Variants in EZR observed in about 807,000 individuals in gnomAD.
EZR encodes the protein cytovillin 2.
A neutral mutation model predicts 74.8 loss-of-function variants in EZR; 40 were observed. That is an observed-to-expected ratio of 0.53 (90% CI 0.42 to 0.70). The LOEUF is 0.70. EZR is among the 30% of genes least tolerant of loss of function. The pLI is 0.00. For missense variants in EZR, 678 were observed against 755.8 expected (o/e 0.90, Z 1.21); for synonymous variants, 341 against 283.3 (o/e 1.20, Z -2.05).
At chr6:158,802,766 G>A (rs954781025) in intron 2 of EZR, among the ~76,000 whole-genome samples, 10 of 152,122 alleles carry the variant, frequency 6.6e-5, no homozygotes, top group Admixed American at 3.9e-4. Flanking sequence ...TCCTGACCTC[G>A]TAATCCACCC....
rs139248468 is a variant in EZR at position 158,802,822 on chromosome 6, G to A, written c.13-13451C>T. On this transcript the variant is annotated intron_variant, in intron 2 of 13. Coordinates refer to ENST00000367075, the MANE Select transcript of EZR (RefSeq NM_001111077.2). ...TGGGATTACAGGTGTGAGCCACCGCGCCCGGCCAGGTTTTTGCTTATTTAA... is the reference window on the plus strand; with the variant it reads ...TGGGATTACAGGTGTGAGCCACCGCACCCGGCCAGGTTTTTGCTTATTTAA... 1.7e-3 allele frequency among the ~76,000 whole-genome samples: 256 copies of A among 152,198 alleles called. 1 individual carries two copies. Among genetic ancestry groups the A allele is most frequent in the African/African-American group, 5.2e-3 (218 of 41,540 alleles).
At chr6:158,813,733 T>G (rs891356432) in intron 2 of EZR, among the ~76,000 whole-genome samples, 7 of 152,250 alleles carry the variant, frequency 4.6e-5, no homozygotes, top group African/African-American at 1.7e-4. Context: ...GTGAACACAC[T>G]TTCAGAGTTT....
chr6:158,776,510 G>A lies in EZR; in HGVS notation c.699-6C>T, dbSNP rs1347478693. 8 of 1,604,548 alleles carry A rather than the reference G, an allele frequency of 5.0e-6. No individual in the cohort carries two copies. The highest frequency in any genetic ancestry group is 1.1e-5 in the South Asian group (1 of 89,984). ...AGCCAATCTTTGGGGTTAACCTGAGGTTAAAAAGAAGAAGTGGATGGTTAG... is the reference window on the plus strand; with the variant it reads ...AGCCAATCTTTGGGGTTAACCTGAGATTAAAAAGAAGAAGTGGATGGTTAG... On this transcript the variant is annotated splice_polypyrimidine_tract_variant and splice_region_variant and intron_variant, in intron 7 of 13. Coordinates refer to ENST00000367075, the MANE Select transcript of EZR (RefSeq NM_001111077.2).
At chr6:158,804,376 C>A (rs188885302) in intron 2 of EZR, among the ~76,000 whole-genome samples, 91 of 152,290 alleles carry the variant, frequency 6.0e-4, no homozygotes, top group African/African-American at 2.2e-3. Flanking sequence ...TACCTCAGGG[C>A]AGGCAAAATA....
At chr6:158,801,385 A>G (rs1777183371) in intron 2 of EZR, among the ~76,000 whole-genome samples, 1 of 152,148 alleles carries the variant, frequency 6.6e-6, no homozygotes, top group African/African-American at 2.4e-5. Context: ...CCTGTCTCCA[A>G]AAACAAACAA....
At chr6:158,772,851 C>T (rs990679081) in intron 8 of EZR, among the ~76,000 whole-genome samples, 1 of 152,128 alleles carries the variant, frequency 6.6e-6, no homozygotes, top group Non-Finnish European at 1.5e-5. Flanking sequence ...AACGAGGAAC[C>T]GGCTGAGCGG....
chr6:158,770,623 AT>A (rs1375077150), intron 10 of EZR, 140 bp downstream of exon 10: 1 of 929,288 alleles, frequency 1.1e-6, no homozygotes. Flanking sequence ...CCAAATAACC[AT>A]TTTATCATTT....
chr6:158,815,366 G>C (rs1777532684), intron 2 of EZR, among the ~76,000 whole-genome samples: 1 of 152,190 alleles, frequency 6.6e-6, no homozygotes, highest in Non-Finnish European at 1.5e-5. Flanking sequence ...ACACAGAAAG[G>C]CTTAGTGTGT....
At chr6:158,805,549 TC>T (rs945253307) in intron 2 of EZR, among the ~76,000 whole-genome samples, 4 of 152,128 alleles carry the variant, frequency 2.6e-5, no homozygotes, top group Non-Finnish European at 5.9e-5. Flanking sequence ...CTCACCCCAG[TC>T]TTTACTTTTG....
At chr6:158,772,597 C>A (rs1389473502) in intron 8 of EZR, among the ~76,000 whole-genome samples, 1 of 152,228 alleles carries the variant, frequency 6.6e-6, no homozygotes, top group Non-Finnish European at 1.5e-5. Flanking sequence ...GTGACCATGA[C>A]TGGAAACATT....
At chr6:158,803,567 ATATAT>A in intron 2 of EZR, among the ~76,000 whole-genome samples, 2 of 5,332 alleles carry the variant, frequency 3.8e-4, no homozygotes, top group Admixed American at 1.3e-3. Flanking sequence ...ATATATATAT[ATATAT>A]ATATATATAC....
chr6:158,802,749 C>G (rs996130000), intron 2 of EZR, among the ~76,000 whole-genome samples: 3 of 152,162 alleles, frequency 2.0e-5, no homozygotes, highest in Admixed American at 1.3e-4. Context: ...GTTAGATGGT[C>G]TCGATCTCCT....
chr6:158,770,799 T>C lies in EZR; in HGVS notation c.1055A>G (p.Gln352Arg). ...CTTCTTTGTCTTCTCCTCATAGTCC[T>C]GCAGCCGCAGCATCAACTCCTCCTT... ...REKEELMLRLQDYEEKTKKAE... is the reference protein window; with the variant it reads ...REKEELMLRLRDYEEKTKKAE... The change falls in exon 10 of 14, where the codon CAG (glutamine) becomes CGG (arginine). Residue 352 changes from glutamine to arginine, a missense_variant. Around this residue, in one of 3 missense-constraint regions of EZR, gnomAD observed 342 missense variants for 341.2 expected, o/e 1.00. Coordinates refer to ENST00000367075, the MANE Select transcript of EZR (RefSeq NM_001111077.2). The C allele has an allele frequency of 1.2e-6, 2 of 1,614,218 alleles. No individual in the cohort carries two copies. Among genetic ancestry groups the C allele is most frequent in the Non-Finnish European group, 1.7e-6 (2 of 1,180,048 alleles).
At chr6:158,771,530 GCATCTC>G (rs2128566411) in intron 8 of EZR, 123 bp from the exon 9 acceptor site, 1 of 1,056,422 alleles carries the variant, frequency 9.5e-7, no homozygotes, top group East Asian at 2.7e-5. Flanking sequence ...AGGGATGGCA[GCATCTC>G]GGCACTAGGA....
At chr6:158,811,634 G>A (rs1221309345) in intron 2 of EZR, among the ~76,000 whole-genome samples, 3 of 152,222 alleles carry the variant, frequency 2.0e-5, no homozygotes, top group Admixed American at 6.5e-5. Context: ...GCCAAGGTAG[G>A]AGGATAGCTT....
Position 158,776,515 on chromosome 6 carries a change from AAAGAAG to A in EZR, c.699-17_699-12del. 1 of 1,596,774 alleles carries A rather than the reference AAAGAAG, an allele frequency of 6.3e-7. No homozygotes were observed. The highest frequency in any genetic ancestry group is 8.6e-7 in the Non-Finnish European group (1 of 1,167,914). Reference sequence around the variant, plus strand: ...ATCTTTGGGGTTAACCTGAGGTTAAAAAGAAGAAGTGGATGGTTAGATGTATACATA... The same window carrying A: ...ATCTTTGGGGTTAACCTGAGGTTAAAAAGTGGATGGTTAGATGTATACATA... On this transcript the variant is annotated splice_polypyrimidine_tract_variant and intron_variant, in intron 7 of 13. Transcript: ENST00000367075.
chr6:158,786,313 G>A (rs1791581923), intron 4 of EZR, among the ~76,000 whole-genome samples: 1 of 152,128 alleles, frequency 6.6e-6, no homozygotes, highest in Non-Finnish European at 1.5e-5. Flanking sequence ...GGTGGAGGTT[G>A]CAGTGAGCCA....
chr6:158,773,922 T>C (rs571572414), intron 8 of EZR, among the ~76,000 whole-genome samples: 14 of 152,332 alleles, frequency 9.2e-5, no homozygotes, highest in Non-Finnish European at 1.3e-4. Context: ...GTCAGCTGTA[T>C]ACAAGGTCCC....
At chr6:158,778,189 G>A (rs1449194073) in intron 7 of EZR, among the ~76,000 whole-genome samples, 2 of 152,146 alleles carry the variant, frequency 1.3e-5, no homozygotes, top group African/African-American at 2.4e-5. Context: ...CGGAGGCTCC[G>A]CCCACAGCAC....
Sources: gnomAD v4.1 joint callset for allele counts (sites outside exome capture counted in the v4.1 genomes callset) on GRCh38, gnomAD v4.1.1 for gene constraint, gnomAD v4.1.1 regional missense constraint, MANE v1.5 for transcripts, NCBI Gene and HGNC (gene_info 2026-07-23, HGNC 2026-07-21) for gene names.